NETO1: variants seen among roughly 807,000 people sequenced by gnomAD.
NETO1 encodes neuropilin and tolloid-like protein 1.
NETO1 carries 26 observed loss-of-function variants against 61.3 expected under a neutral mutation model. The ratio of observed to expected loss-of-function variants is 0.42; its 90% CI spans 0.31 to 0.59. NETO1 has a LOEUF of 0.59. NETO1 is among the 20% of genes least tolerant of loss of function. NETO1 has a pLI of 0.12. For synonymous variants in NETO1, 225 were observed against 225.8 expected (o/e 1.00, Z 0.03); for missense variants, 531 against 662.8 (o/e 0.80, Z 2.18).
At chr18:72,804,956 T>C (rs2072626834) in intron 4 of NETO1, among the ~76,000 whole-genome samples, 1 of 152,230 alleles carries the variant, frequency 6.6e-6, no homozygotes, top group African/African-American at 2.4e-5. Flanking sequence ...TTTCCTAAGT[T>C]ACCTAACAAT....
chr18:72,849,810 A>G (rs1363000858), intron 4 of NETO1, among the ~76,000 whole-genome samples: 1 of 152,170 alleles, frequency 6.6e-6, no homozygotes, highest in Non-Finnish European at 1.5e-5. Context: ...CTTTCCTTGG[A>G]GGCTGCAGGA....
intron 4 of NETO1, among the ~76,000 whole-genome samples, chr18:72,825,197 G>C (rs1389024709): frequency 6.6e-6 from 1 of 152,192 alleles, no homozygotes; most frequent in East Asian, 1.9e-4. Flanking sequence ...TCAAAGACTG[G>C]AATGTACATC....
chr18:72,815,937 C>T (rs1360289712), intron 4 of NETO1, among the ~76,000 whole-genome samples: 1 of 152,114 alleles, frequency 6.6e-6, no homozygotes, highest in African/African-American at 2.4e-5. Context: ...TGAGAGTACT[C>T]AACAGAATGT....
chr18:72,793,031 T>C (rs2145275336), intron 6 of NETO1, among the ~76,000 whole-genome samples: 1 of 152,288 alleles, frequency 6.6e-6, no homozygotes, highest in Non-Finnish European at 1.5e-5. Flanking sequence ...ACCTTACAAA[T>C]ACCCCAATGA....
intron 4 of NETO1, among the ~76,000 whole-genome samples, chr18:72,810,268 C>G (rs570254612): frequency 1.1e-4 from 16 of 152,208 alleles, no homozygotes; most frequent in Admixed American, 5.9e-4. Context: ...TAGGTTTGAA[C>G]GGGCATCTGA....
chr18:72,858,497 T>C (rs2074471441), intron 4 of NETO1, among the ~76,000 whole-genome samples: 1 of 152,168 alleles, frequency 6.6e-6, no homozygotes, highest in Non-Finnish European at 1.5e-5. Flanking sequence ...TCTTTTCAAG[T>C]TTATTCAGCT....
intron 4 of NETO1, among the ~76,000 whole-genome samples, chr18:72,805,981 G>A (rs1156951858): frequency 2.0e-5 from 3 of 152,126 alleles, no homozygotes; most frequent in African/African-American, 7.2e-5. Flanking sequence ...TTGTCCTACA[G>A]AGGAATAAAT....
chr18:72,848,850 T>G (rs932439812), intron 4 of NETO1, among the ~76,000 whole-genome samples: 2 of 152,232 alleles, frequency 1.3e-5, no homozygotes, highest in African/African-American at 4.8e-5. Context: ...TATATCTGTC[T>G]CCTTTAGTTC....
intron 7 of NETO1, among the ~76,000 whole-genome samples, chr18:72,765,543 C>T (rs574180585): frequency 2.6e-4 from 40 of 152,118 alleles, no homozygotes; most frequent in African/African-American, 8.0e-4. Context: ...CTCAGCCTCC[C>T]GAGTAGCTGG....
intron 7 of NETO1, among the ~76,000 whole-genome samples, chr18:72,766,487 A>C (rs1018777796): frequency 6.6e-6 from 1 of 152,012 alleles, no homozygotes; most frequent in Non-Finnish European, 1.5e-5. Context: ...CCAGAAATAG[A>C]TTTGTGTATC....
chr18:72,758,210 A>G (rs1289969327), intron 7 of NETO1, among the ~76,000 whole-genome samples: 1 of 152,154 alleles, frequency 6.6e-6, no homozygotes, highest in Non-Finnish European at 1.5e-5. Flanking sequence ...TTGTGAAACT[A>G]TCAATGTTCC....
At chr18:72,826,582 G>A (rs563135219) in intron 4 of NETO1, among the ~76,000 whole-genome samples, 3 of 151,284 alleles carry the variant, frequency 2.0e-5, no homozygotes, top group African/African-American at 4.9e-5. Context: ...GATTGATAAC[G>A]ATTTCTGTAT....
intron 4 of NETO1, among the ~76,000 whole-genome samples, chr18:72,851,681 T>C (rs1420248993): frequency 6.6e-6 from 1 of 152,138 alleles, no homozygotes; most frequent in Non-Finnish European, 1.5e-5. Flanking sequence ...CTTTGGACAT[T>C]GCGAGTGGAA....
intron 4 of NETO1, among the ~76,000 whole-genome samples, chr18:72,843,959 T>G (rs2074010347): frequency 6.6e-5 from 10 of 152,240 alleles, no homozygotes; most frequent in Admixed American, 6.5e-4. Context: ...GATGTCTCAG[T>G]AGTTGCAGTT....
At position 72,831,064 on chromosome 18, in the gene NETO1, T is replaced by C. The variant is rs116466661; in HGVS notation, c.469+27762A>G. ...CCCACTACCTGATACTTCACTGTGC[T>C]CTTCTGGCCAGCCATTTCAGTATTT... On this transcript the variant is annotated intron_variant, in intron 4 of 10. Transcript: ENST00000327305. 5.7e-3 allele frequency among the ~76,000 whole-genome samples: 869 copies of C among 152,282 alleles called. 6 individuals carry two copies. The highest frequency in any genetic ancestry group is 0.019 in the African/African-American group (796 of 41,570).
chr18:72,834,714 T>C, intron 4 of NETO1: 5 of 985,144 alleles, frequency 5.1e-6, no homozygotes, highest in Non-Finnish European at 6.0e-6. Flanking sequence ...ATACGCTCTC[T>C]TCAGCTTTTA....
rs527608958 is a variant in NETO1 at position 72,833,727 on chromosome 18, T to C, written c.469+25099A>G. On this transcript the variant is annotated intron_variant, in intron 4 of 10. Transcript: ENST00000327305. ...ACTCAGGGATGGCATGGAATTTTTG[T>C]CGTGCATATATCCGCTGACTTTCAA... Among the ~76,000 whole-genome samples the C allele has an allele frequency of 8.0e-4, 122 of 152,260 alleles. 1 individual carries two copies. In the South Asian group the frequency reaches 0.023, roughly 28 times the overall value.
chr18:72,832,305 A>G (rs568055801), intron 4 of NETO1, among the ~76,000 whole-genome samples: 2 of 152,334 alleles, frequency 1.3e-5, no homozygotes, highest in African/African-American at 4.8e-5. Flanking sequence ...TATGACTCAA[A>G]ATATTTTGGG....
rs547291767 is a variant in NETO1, at chr18:72,788,559, GA to G, written c.640-4654del. On this transcript the variant is annotated intron_variant, in intron 6 of 10. Transcript: ENST00000327305. Reference sequence around the variant, plus strand: ...ACAGAAAGCTCTTTAGTCACTTACTGAAAAAAAAAGAGAAAATGATAAACAG... The same window carrying G: ...ACAGAAAGCTCTTTAGTCACTTACTGAAAAAAAAGAGAAAATGATAAACAG... Among the ~76,000 whole-genome samples, 378 of 149,080 alleles carry G rather than the reference GA, an allele frequency of 2.5e-3. 3 individuals are homozygous for G. The highest frequency in any genetic ancestry group is 3.1e-3 in the Non-Finnish European group (207 of 67,114).
Sources: gnomAD v4.1 joint callset for allele counts (sites outside exome capture counted in the v4.1 genomes callset) on GRCh38, gnomAD v4.1.1 for gene constraint, MANE v1.5 for transcripts, NCBI Gene and HGNC (gene_info 2026-07-23, HGNC 2026-07-21) for gene names.